The following C7 variants were observed in gnomAD, a reference collection of about 807,000 sequenced individuals.
C7 encodes the protein complement component C7.
A neutral mutation model predicts 104.8 loss-of-function variants in C7; 83 were observed. That is an observed-to-expected ratio of 0.79 (90% CI 0.66 to 0.95). The LOEUF is 0.95. Ranked by LOEUF, C7 falls within the 40% of genes least tolerant of loss-of-function variation. The pLI, the probability that C7 is intolerant of heterozygous loss-of-function variation, is 0.00. For synonymous variants in C7, 415 were observed against 360.6 expected, an observed-to-expected ratio of 1.15 and a Z score of -1.71; for missense variants, 1,070 against 1,011.2, an observed-to-expected ratio of 1.06 and a Z score of -0.79.
intron 6 of C7, among the ~76,000 whole-genome samples, chr5:40,938,660 G>A (rs141321180): frequency 2.7e-4 from 41 of 152,262 alleles, no homozygotes; most frequent in Middle Eastern, 6.8e-3. Flanking sequence ...TCACATGCTT[G>A]CCAACGTTGG....
intron 12 of C7, among the ~76,000 whole-genome samples, chr5:40,960,975 T>C (rs775423072): frequency 6.6e-6 from 1 of 152,220 alleles, no homozygotes; most frequent in Non-Finnish European, 1.5e-5. Flanking sequence ...TATTAGGACT[T>C]CTGTTCTCCC....
At position 40,958,023 on chromosome 5, in the gene C7, A is replaced by T. The variant is rs745974996; in HGVS notation, c.1261-10A>T. The T allele has an allele frequency of 1.3e-6, 2 of 1,591,830 alleles. No individual in the cohort carries two copies. Among genetic ancestry groups the T allele is most frequent in the Non-Finnish European group, 1.7e-6 (2 of 1,164,230 alleles). The stretch of plus-strand genomic sequence containing the variant: ...CCTGATTACTGACTATAATGTCTTT[A>T]TCTCTATAGCTGACACCTTTATATG... On this transcript the variant is annotated splice_polypyrimidine_tract_variant and intron_variant, in intron 10 of 17. Coordinates refer to ENST00000313164, the MANE Select transcript of C7 (RefSeq NM_000587.4).
chr5:40,922,074 A>G (rs7701662), intron 1 of C7, among the ~76,000 whole-genome samples: 27,107 of 150,378 alleles, frequency 0.18, 2,795 homozygotes, highest in East Asian at 0.31. Context: ...AAACAAAAAC[A>G]ACAACAAAAA....
At position 40,976,859 on chromosome 5, in the gene C7, C is replaced by G; in HGVS notation, c.2165+19C>G. On this transcript the variant is annotated intron_variant, in intron 16 of 17. Transcript: ENST00000313164. ...AATGTGGGTAAGTGCCGCCTTTGCTCATTTCTCTGTTTTATTTTATTAATG... is the reference window on the plus strand; with the variant it reads ...AATGTGGGTAAGTGCCGCCTTTGCTGATTTCTCTGTTTTATTTTATTAATG... 6.5e-7 allele frequency: 1 copy of G among 1,545,278 alleles called. No individual in the cohort carries two copies. The highest frequency in any genetic ancestry group is 8.8e-7 in the Non-Finnish European group (1 of 1,133,322).
rs1741019190 is a variant in C7 at position 40,984,329 on chromosome 5, A to G, written c.*2756A>G. On this transcript the variant is annotated 3_prime_UTR_variant, in exon 18 of 18. Coordinates refer to ENST00000313164, the MANE Select transcript of C7 (RefSeq NM_000587.4). ...TGTGGAGTGCCAAGCAGGAAATCTGACAAGTGACCCCCGGAACTTTGGATT... is the reference window on the plus strand; with the variant it reads ...TGTGGAGTGCCAAGCAGGAAATCTGGCAAGTGACCCCCGGAACTTTGGATT... 6.6e-6 allele frequency among the ~76,000 whole-genome samples: 1 copy of G among 152,168 alleles called. No homozygotes were observed. The highest frequency in any genetic ancestry group is 2.4e-5 in the African/African-American group (1 of 41,438).
At chr5:40,950,787 C>T (rs1034780091) in intron 9 of C7, among the ~76,000 whole-genome samples, 2 of 152,168 alleles carry the variant, frequency 1.3e-5, no homozygotes, top group African/African-American at 4.8e-5. Flanking sequence ...TTCAGTTTCA[C>T]TTGCTGACAT....
chr5:40,957,675 G>C (rs577475124), intron 10 of C7, among the ~76,000 whole-genome samples: 12 of 151,848 alleles, frequency 7.9e-5, no homozygotes, highest in Non-Finnish European at 1.8e-4. Context: ...GGCTGGTCTT[G>C]AACTCCTGAC....
intron 1 of C7, among the ~76,000 whole-genome samples, chr5:40,918,328 C>G (rs942343356): frequency 3.3e-5 from 5 of 151,998 alleles, no homozygotes; most frequent in Non-Finnish European, 7.4e-5. Flanking sequence ...CTACCGCACT[C>G]CAGCCTGGGC....
Position 40,958,187 on chromosome 5 carries a change from A to C in C7, c.1415A>C (p.His472Pro). 4 of 1,613,734 alleles carry C rather than the reference A, an allele frequency of 2.5e-6. No individual in the cohort carries two copies. The highest frequency in any genetic ancestry group is 2.5e-6 in the Non-Finnish European group (3 of 1,179,720). Residue 472 changes from histidine to proline, a missense_variant, in exon 11 of 18, where the codon CAT becomes CCT. His to Pro is a moderately conservative substitution (Grantham distance 77, BLOSUM62 -2). Transcript: ENST00000313164. ...GGTTTGGCTACTGTTGAGGGGACCC[A>C]TTGTCTGTGCCATTGCAAACCGTAC... ...NGGLATVEGT[H>P]CLCHCKPYTF...
intron 14 of C7, 76 bp from the exon 15 acceptor site, chr5:40,972,327 G>T: frequency 8.5e-7 from 1 of 1,182,072 alleles, no homozygotes; most frequent in Non-Finnish European, 1.2e-6. Context: ...AAGTGTGTCT[G>T]CATCACATAA....
At chr5:40,972,715 A>C (rs1215157606) in intron 15 of C7, 121 bp downstream of exon 15, 5 of 745,076 alleles carry the variant, frequency 6.7e-6, no homozygotes, top group Non-Finnish European at 1.1e-5. Context: ...CTTGCTCCTT[A>C]AGATAGGGTC....
chr5:40,973,754 A>G (rs766126587), intron 15 of C7, among the ~76,000 whole-genome samples: 2 of 152,260 alleles, frequency 1.3e-5, no homozygotes, highest in Non-Finnish European at 1.5e-5. Flanking sequence ...AAAGAGAACA[A>G]TATACAGTTG....
chr5:40,949,880 T>G, intron 8 of C7, 24 bp from the exon 9 acceptor site: 1 of 1,383,674 alleles, frequency 7.2e-7, no homozygotes, highest in Non-Finnish European at 1.0e-6. Flanking sequence ...ATTAAACATG[T>G]CTCTTTTACA....
chr5:40,934,493 T>A, intron 4 of C7, 27 bp downstream of exon 4: 3 of 1,609,110 alleles, frequency 1.9e-6, no homozygotes, highest in Non-Finnish European at 2.5e-6. Context: ...AGGCTCAGCA[T>A]GCAGATTGTA....
intron 1 of C7, among the ~76,000 whole-genome samples, chr5:40,917,317 T>C (rs1432053654): frequency 6.6e-6 from 1 of 152,152 alleles, no homozygotes; most frequent in Non-Finnish European, 1.5e-5. Context: ...TCTTTACTTA[T>C]TAGACTTCAA....
At chr5:40,972,669 A>G in intron 15 of C7, 75 bp downstream of exon 15, 1 of 1,171,194 alleles carries the variant, frequency 8.5e-7, no homozygotes, top group Admixed American at 2.2e-5. Context: ...CCTTCATGGT[A>G]CTGTATCACC....
chr5:40,955,573 A>G lies in C7; in HGVS notation c.1260+20A>G. ...CAAAAGGTATGTCAGGCTTTGTTTA[A>G]AGCAATAGGAAGCAGTCATGTTTAT... is the stretch of plus-strand genomic sequence containing the variant. On this transcript the variant is annotated intron_variant, in intron 10 of 17. Coordinates refer to ENST00000313164, the MANE Select transcript of C7 (RefSeq NM_000587.4). 1 of 1,595,114 alleles carries G rather than the reference A, an allele frequency of 6.3e-7. No individual in the cohort carries two copies. Among genetic ancestry groups the G allele is most frequent in the Non-Finnish European group, 8.5e-7 (1 of 1,169,688 alleles).
At chr5:40,931,278 A>G in intron 3 of C7, 139 bp downstream of exon 3, 1 of 652,770 alleles carries the variant, frequency 1.5e-6, no homozygotes, top group Non-Finnish European at 2.8e-6. Flanking sequence ...TGAGGGGAGA[A>G]AAGTATGACT....
chr5:40,952,450 A>AG (rs1740190826), intron 9 of C7, among the ~76,000 whole-genome samples: 1 of 149,434 alleles, frequency 6.7e-6, no homozygotes, highest in Admixed American at 6.7e-5. Context: ...CCTTAAAAAA[A>AG]CATCATGATG....
Sources: allele counts gnomAD v4.1 joint callset (sites outside exome capture counted in the v4.1 genomes callset), GRCh38; gene constraint gnomAD v4.1.1; transcripts MANE v1.5; gene names NCBI Gene and HGNC (gene_info 2026-07-23, HGNC 2026-07-21).